Variants in MGST1 observed in about 807,000 individuals in gnomAD.
MGST1 encodes glutathione S-transferase 12.
A neutral mutation model predicts 8.9 loss-of-function variants in MGST1; 5 were observed. The ratio of observed to expected loss-of-function variants is 0.56; its 90% CI spans 0.29 to 1.19. MGST1 has a LOEUF of 1.19. Among genes scored for constraint, MGST1 ranks in the 50% most tolerant of loss-of-function variants. The pLI, the probability that MGST1 is intolerant of heterozygous loss-of-function variation, is 0.08. For missense variants in MGST1, 182 were observed against 187.4 expected (o/e 0.97, Z 0.17); for synonymous variants, 54 against 67.8 (o/e 0.80, Z 1.00).
rs189057216 is a variant in MGST1, at chr12:16,565,272, G to A, written n.483-24256G>A. ...TGGATGGAAAAGTTTTATTGAATATGTTTTGTGGGAAGGAATGAACATTTT... is the reference window on the plus strand; with the variant it reads ...TGGATGGAAAAGTTTTATTGAATATATTTTGTGGGAAGGAATGAACATTTT... On this transcript the variant is annotated intron_variant and non_coding_transcript_variant, in intron 4 of 4. Coordinates refer to the MGST1 transcript ENST00000538857. Among the ~76,000 whole-genome samples, 422 of 152,314 alleles carry A rather than the reference G, an allele frequency of 2.8e-3. 2 individuals carry two copies. The highest frequency in any genetic ancestry group is 9.6e-3 in the African/African-American group (398 of 41,570).
At chr12:16,400,537 C>A in intron 1 of MGST1, 1 of 860,634 alleles carries the variant, frequency 1.2e-6, no homozygotes, top group Non-Finnish European at 2.0e-6. Flanking sequence ...AGTTTTATAA[C>A]GTTTCTGTAC....
downstream of MGST1, among the ~76,000 whole-genome samples, chr12:16,382,072 C>T (rs1306119639): frequency 6.6e-6 from 1 of 152,052 alleles, no homozygotes; most frequent in African/African-American, 2.4e-5. Context: ...ACTTCTTTGC[C>T]ATTGGTTCGA....
chr12:16,444,182 G>GTTTTTTTTTTTTTTTT (rs1410059091), intron 4 of MGST1, among the ~76,000 whole-genome samples: 1 of 135,050 alleles, frequency 7.4e-6, no homozygotes, highest in Admixed American at 7.5e-5. Flanking sequence ...TGGCTGATTT[G>GTTTTTTTTTTTTTTTT]GTTTTTTTTT....
chr12:16,474,729 G>A (rs1029839606), intron 4 of MGST1, among the ~76,000 whole-genome samples: 2 of 152,114 alleles, frequency 1.3e-5, no homozygotes, highest in Non-Finnish European at 2.9e-5. Flanking sequence ...ATTTTTGAAC[G>A]AGAGCAATAA....
intron 4 of MGST1, among the ~76,000 whole-genome samples, chr12:16,544,000 T>C (rs569753746): frequency 6.6e-6 from 1 of 152,262 alleles, no homozygotes; most frequent in African/African-American, 2.4e-5. Flanking sequence ...AAAACACTCA[T>C]ACTCTTCCTA....
At chr12:16,351,072 T>G (rs983087544) in intron 1 of MGST1, among the ~76,000 whole-genome samples, 1 of 152,198 alleles carries the variant, frequency 6.6e-6, no homozygotes, top group African/African-American at 2.4e-5. Flanking sequence ...TTTTGTTCCA[T>G]CAATACATAA....
Position 16,401,137 on chromosome 12 carries a change from C to T in MGST1, n.778+17533C>T. The T allele has an allele frequency of 1.3e-6, 2 of 1,568,312 alleles. No homozygotes were observed. Among genetic ancestry groups the T allele is most frequent in the Non-Finnish European group, 1.8e-6 (2 of 1,139,182 alleles). ...CTCATCTTCGTTCCTTAGGAAAATACCCACATTCTTCACTTTCTTCTTCAC... is the reference window on the plus strand; with the variant it reads ...CTCATCTTCGTTCCTTAGGAAAATATCCACATTCTTCACTTTCTTCTTCAC... On this transcript the variant is annotated intron_variant and non_coding_transcript_variant, in intron 1 of 1. Coordinates refer to the MGST1 transcript ENST00000359720. This position sits in a 1 kb window ranked among gnomAD's most constrained non-coding sequence, Gnocchi z 4.3.
Position 16,428,900 on chromosome 12 carries a change from C to A in MGST1, n.779-8488C>A, listed in dbSNP as rs185096061. ...CTAATCTTTTCAATTTCTATACCAT[C>A]ATTTAAACATGATAAAATGTAGCCA... is the stretch of plus-strand genomic sequence containing the variant. On this transcript the variant is annotated intron_variant and non_coding_transcript_variant, in intron 1 of 1. Transcript: ENST00000359720. Among the ~76,000 whole-genome samples the A allele has an allele frequency of 8.8e-4, 134 of 152,140 alleles. No individual in the cohort carries two copies. The Middle Eastern group carries it at 0.01, about 12-fold the overall frequency.
rs1179715881 is a variant in MGST1, at chr12:16,497,640, T to C, written n.483-91888T>C. 3.9e-5 allele frequency among the ~76,000 whole-genome samples: 6 copies of C among 152,296 alleles called. No homozygotes were observed. In the East Asian group the frequency reaches 1.2e-3, roughly 29 times the overall value. On this transcript the variant is annotated intron_variant and non_coding_transcript_variant, in intron 4 of 4. Transcript: ENST00000538857. The surrounding 1 kb of genome is among the most constrained non-coding windows in gnomAD (Gnocchi z 4.4). ...AGAAAAGGGAGTTTTAACTAGGTCG[T>C]GGGCCAAATACTTTCTTCAGAAAAT...
intron 4 of MGST1, among the ~76,000 whole-genome samples, chr12:16,577,319 A>G (rs941429823): frequency 1.1e-4 from 17 of 152,182 alleles, no homozygotes; most frequent in Non-Finnish European, 4.4e-5. Context: ...TTCAGCTTCT[A>G]GGACCATCTC....
intron 3 of MGST1, among the ~76,000 whole-genome samples, chr12:16,372,917 T>A (rs577077075): frequency 5.6e-5 from 8 of 142,834 alleles, no homozygotes; most frequent in South Asian, 4.4e-4. Flanking sequence ...ACATATTTTA[T>A]ATATTTTATA....
At chr12:16,505,843 G>A (rs1020387801) in intron 4 of MGST1, among the ~76,000 whole-genome samples, 5 of 152,094 alleles carry the variant, frequency 3.3e-5, no homozygotes, top group Non-Finnish European at 7.3e-5. Flanking sequence ...GGCAGACAAC[G>A]AATATAAATC....
At position 16,517,290 on chromosome 12, in the gene MGST1, G is replaced by A. The variant is rs904870257; in HGVS notation, n.483-72238G>A. Among the ~76,000 whole-genome samples the A allele has an allele frequency of 6.6e-6, 1 of 152,204 alleles. No homozygotes were observed. Among genetic ancestry groups the A allele is most frequent in the African/African-American group, 2.4e-5 (1 of 41,440 alleles). On this transcript the variant is annotated intron_variant and non_coding_transcript_variant, in intron 4 of 4. Transcript: ENST00000538857. The surrounding 1 kb of genome is among the most constrained non-coding windows in gnomAD (Gnocchi z 4.2). The stretch of plus-strand genomic sequence containing the variant: ...TTAACTCCCAATGCAATAGTGTCAA[G>A]AGGTGGAAGCTTTAAAAGGTGATTA...
At chr12:16,445,889 T>G (rs1205865987) in intron 4 of MGST1, among the ~76,000 whole-genome samples, 2 of 151,948 alleles carry the variant, frequency 1.3e-5, no homozygotes, top group Non-Finnish European at 2.9e-5. Flanking sequence ...TAGCTTCAAT[T>G]TACTAACTTG....
chr12:16,495,939 T>C (rs1941467642), intron 4 of MGST1, among the ~76,000 whole-genome samples: 1 of 152,128 alleles, frequency 6.6e-6, no homozygotes, highest in Non-Finnish European at 1.5e-5. Context: ...ATAGTCCCCT[T>C]TCCTTTATAA....
At chr12:16,460,658 T>A (rs1255084629) in intron 4 of MGST1, among the ~76,000 whole-genome samples, 1 of 151,432 alleles carries the variant, frequency 6.6e-6, no homozygotes, top group East Asian at 1.9e-4. Context: ...TCACCTCCAG[T>A]TTAATAACTT....
downstream of MGST1, among the ~76,000 whole-genome samples, chr12:16,381,355 C>T (rs1940452306): frequency 6.6e-6 from 1 of 152,262 alleles, no homozygotes; most frequent in Admixed American, 6.5e-5. Flanking sequence ...AATCTCTCAG[C>T]ATTTGCTTGT....
chr12:16,433,010 A>T lies in MGST1; in HGVS notation n.779-4378A>T, dbSNP rs369481804. On this transcript the variant is annotated intron_variant and non_coding_transcript_variant, in intron 1 of 1. Transcript: ENST00000359720. ...CAGAATTAATAGGATAGATGTGTAT[A>T]TAAAGGGGAGTTTATTAGGGAGTAT... Among the ~76,000 whole-genome samples the T allele has an allele frequency of 1.2e-4, 18 of 152,126 alleles. No homozygotes were observed. The South Asian group carries it at 1.2e-3, about 11-fold the overall frequency.
intron 4 of MGST1, among the ~76,000 whole-genome samples, chr12:16,469,092 T>C (rs976209268): frequency 2.6e-5 from 4 of 152,196 alleles, no homozygotes; most frequent in African/African-American, 9.6e-5. Flanking sequence ...TTCCATTTTA[T>C]TTGAGTGAGA....
Sources: allele counts gnomAD v4.1 joint callset (sites outside exome capture counted in the v4.1 genomes callset), GRCh38; gene constraint gnomAD v4.1.1; non-coding constraint Gnocchi (gnomAD v3.1); transcripts MANE v1.5; gene names NCBI Gene and HGNC (gene_info 2026-07-23, HGNC 2026-07-21).